The following UBXN11 variants were observed in gnomAD, a reference collection of about 807,000 sequenced individuals.
The protein encoded by UBXN11 is UBX domain-containing protein 11.
In UBXN11, 47 loss-of-function variants were observed where a neutral mutation model predicts 62.8. The observed-to-expected ratio is 0.75, with a 90% CI of 0.59 to 0.95. The LOEUF (loss-of-function observed/expected upper bound fraction) is 0.95, where lower values mean the gene tolerates loss of function less well. Among genes scored for constraint, UBXN11 ranks in the 40% least tolerant of loss-of-function variants. The probability of loss-of-function intolerance (pLI) is 0.00; values close to 1 mark genes in which losing one functional copy is unlikely to be tolerated. For synonymous variants in UBXN11, 294 were observed against 267.0 expected (o/e 1.10, Z -0.99); for missense variants, 638 against 661.7 (o/e 0.96, Z 0.39).
chr1:26,297,776 C>T (rs2073430363), intron 5 of UBXN11, among the ~76,000 whole-genome samples, 186 bp downstream of exon 5: 1 of 152,200 alleles, frequency 6.6e-6, no homozygotes, highest in African/African-American at 2.4e-5. Context: ...GGGGAAGACC[C>T]CCCAGCCTCT....
chr1:26,293,891 AT>A (rs2073332627), intron 8 of UBXN11, among the ~76,000 whole-genome samples: 1 of 152,082 alleles, frequency 6.6e-6, no homozygotes, highest in South Asian at 2.1e-4. Context: ...CATCTTCCAG[AT>A]TGGTGGCGTT....
rs763602179 is a variant in UBXN11, at chr1:26,282,356, ACTGGGGCCGG to A, written c.1496_1505del (p.Pro499LeufsTer?). On this transcript the variant is annotated frameshift_variant, in exon 15 of 15. Coordinates refer to ENST00000374222, the MANE Select transcript of UBXN11 (RefSeq NM_001389556.1). LOFTEE classifies it low-confidence loss of function (END_TRUNC). Reference sequence around the variant, plus strand: ...GACTGGGGCCGGGACCGGGACCGGGACTGGGGCCGGGACCGGGACCGGGACTGGGGCCGGG... The same window carrying A: ...GACTGGGGCCGGGACCGGGACCGGGAGACCGGGACCGGGACTGGGGCCGGG... 4.1e-4 allele frequency: 148 copies of A among 360,380 alleles called. 5 individuals are homozygous for A. Among genetic ancestry groups the A allele is most frequent in the Middle Eastern group, 2.7e-3 (4 of 1,490 alleles). 22.3% of individuals were successfully genotyped at this position (360,380 alleles called of 1,614,324 possible). A position where few individuals can be genotyped will look rare whatever the true frequency, so the allele number is the denominator to read the frequency against.
In UBXN11 at chr1:26,294,296, G is replaced by A. The variant is rs374580848; in HGVS notation, c.468C>T (p.Gly156=). The change falls in exon 8 of 15, where the codon GGC becomes GGT. Residue 156 remains glycine, a synonymous_variant. Transcript: ENST00000374222. ...CTGAGTCCTCCTGGTCCATGGGCTC[G>A]CCCACCCACTGCAGGCCATAGTCAC... ...FLSDYGLQWV[G]EPMDQEDSES... 122 of 1,613,930 alleles carry A rather than the reference G, an allele frequency of 7.6e-5. No homozygotes were observed. Among genetic ancestry groups the A allele is most frequent in the African/African-American group, 2.9e-4 (22 of 74,926 alleles).
intron 10 of UBXN11, 155 bp downstream of exon 10, chr1:26,285,309 G>C: frequency 1.4e-6 from 2 of 1,458,904 alleles, no homozygotes; most frequent in South Asian, 1.3e-5. Flanking sequence ...TCCCTTCCCA[G>C]CCCGGCTTCA....
chr1:26,289,231 C>T (rs1030098435), intron 8 of UBXN11, among the ~76,000 whole-genome samples: 2 of 152,156 alleles, frequency 1.3e-5, no homozygotes, highest in Non-Finnish European at 2.9e-5. Context: ...TAAAAGTTTC[C>T]ACACTTCACA....
chr1:26,286,332 T>C (rs1444608839), intron 8 of UBXN11, among the ~76,000 whole-genome samples: 1 of 152,222 alleles, frequency 6.6e-6, no homozygotes, highest in Non-Finnish European at 1.5e-5. Context: ...GAAAGTTACA[T>C]GGCTTGTGAG....
intron 1 of UBXN11, among the ~76,000 whole-genome samples, chr1:26,315,977 T>TTGG (rs2073789667): frequency 6.7e-6 from 1 of 149,268 alleles, no homozygotes. Context: ...TTTTTTTTTT[T>TTGG]GAGACAGGGT....
upstream of UBXN11, among the ~76,000 whole-genome samples, chr1:26,311,247 C>A (rs1303650998): frequency 1.3e-5 from 2 of 150,866 alleles, no homozygotes; most frequent in East Asian, 3.9e-4. Flanking sequence ...TCAAGCGATT[C>A]TCTGCCTCAG....
chr1:26,313,143 G>A (rs12726972), intron 1 of UBXN11, among the ~76,000 whole-genome samples: 80,235 of 151,836 alleles, frequency 0.53, 22,552 homozygotes, highest in Non-Finnish European at 0.65. Context: ...AATTCAAGGC[G>A]GATCACACTG....
intron 8 of UBXN11, among the ~76,000 whole-genome samples, chr1:26,290,295 C>T (rs570435270): frequency 1.4e-4 from 22 of 152,318 alleles, no homozygotes; most frequent in African/African-American, 4.3e-4. Context: ...CCCTAGGAGC[C>T]CGTCAGCACG....
intron 8 of UBXN11, among the ~76,000 whole-genome samples, chr1:26,289,019 G>A (rs1186519848): frequency 6.6e-6 from 1 of 152,098 alleles, no homozygotes; most frequent in Non-Finnish European, 1.5e-5. Flanking sequence ...ATCCAACTTT[G>A]AGAGCCCACG....
chr1:26,296,433 T>A (rs1452004885), intron 7 of UBXN11, among the ~76,000 whole-genome samples: 3 of 152,040 alleles, frequency 2.0e-5, no homozygotes. Context: ...CCGGGGGATA[T>A]GACTGAGGAC....
At chr1:26,297,538 G>C (rs2073423642) in intron 5 of UBXN11, 57 bp from the exon 6 acceptor site, 1 of 1,486,150 alleles carries the variant, frequency 6.7e-7, no homozygotes, top group Non-Finnish European at 8.9e-7. Flanking sequence ...GCCCTGCCCA[G>C]ACAGGAAGCT....
chr1:26,286,331 A>G (rs1570087737), intron 8 of UBXN11, among the ~76,000 whole-genome samples: 1 of 152,228 alleles, frequency 6.6e-6, no homozygotes, highest in Non-Finnish European at 1.5e-5. Context: ...AGAAAGTTAC[A>G]TGGCTTGTGA....
At chr1:26,282,968 C>T (rs2073036511) in intron 12 of UBXN11, 31 bp from the exon 13 acceptor site, 3 of 1,613,888 alleles carry the variant, frequency 1.9e-6, no homozygotes, top group Non-Finnish European at 2.5e-6. Context: ...GTGGACAGAG[C>T]CCTAGGCCCC....
At position 26,284,132 on chromosome 1, in the gene UBXN11, T is replaced by C. The variant is rs2073068015; in HGVS notation, c.1077+10A>G. ...CCCAGGAGGGCTGGGGGAGTTAGCATTGGCCTCACCTGCAAGGTGTCCCTG... is the reference window on the plus strand; with the variant it reads ...CCCAGGAGGGCTGGGGGAGTTAGCACTGGCCTCACCTGCAAGGTGTCCCTG... On this transcript the variant is annotated intron_variant, in intron 12 of 14. Transcript: ENST00000374222. 12 of 1,595,950 alleles carry C rather than the reference T, an allele frequency of 7.5e-6. No individual in the cohort carries two copies. The highest frequency in any genetic ancestry group is 2.3e-5 in the South Asian group (2 of 88,848).
chr1:26,284,191 C>T lies in UBXN11; in HGVS notation c.1028G>A (p.Arg343Gln), dbSNP rs2073069558. 1.6e-5 allele frequency: 26 copies of T among 1,613,072 alleles called. No homozygotes were observed. The highest frequency in any genetic ancestry group is 1.6e-4 in the Middle Eastern group (1 of 6,074). The change falls in exon 12 of 15, where the codon CGG becomes CAG. Residue 343 changes from arginine to glutamine, a missense_variant. Physicochemically the swap from Arg to Gln is conservative, Grantham distance 43 (BLOSUM62 1). Coordinates refer to ENST00000374222, the MANE Select transcript of UBXN11 (RefSeq NM_001389556.1). ...FLNRLPKFVI[R>Q]QGEVIDIRGP... ...CCGGATGTCAATCACCTCGCCTTGCCGGATCACAAACTTGGGGAGCCTGTT... is the reference window on the plus strand; with the variant it reads ...CCGGATGTCAATCACCTCGCCTTGCTGGATCACAAACTTGGGGAGCCTGTT...
At chr1:26,298,973 C>T (rs1226237796) in intron 4 of UBXN11, among the ~76,000 whole-genome samples, 1 of 152,042 alleles carries the variant, frequency 6.6e-6, no homozygotes, top group Non-Finnish European at 1.5e-5. Flanking sequence ...GAAACCTGAG[C>T]CCCTGATGAT....
chr1:26,318,036 C>G, intron 1 of UBXN11: 2 of 1,614,198 alleles, frequency 1.2e-6, no homozygotes, highest in Non-Finnish European at 1.7e-6. Flanking sequence ...CTTCCTCTTC[C>G]TCCTACTCAC....
Sources: allele counts gnomAD v4.1 joint callset (sites outside exome capture counted in the v4.1 genomes callset), GRCh38; gene constraint gnomAD v4.1.1; transcripts MANE v1.5; gene names NCBI Gene and HGNC (gene_info 2026-07-23, HGNC 2026-07-21).